Variants in MCTP1 observed in about 807,000 individuals in gnomAD.
MCTP1 encodes multiple C2 and transmembrane domain containing 1.
Under a neutral mutation model 120.6 loss-of-function variants are expected in MCTP1, and 69 were observed. The observed-to-expected ratio is 0.57, with a 90% CI of 0.47 to 0.70. The LOEUF (loss-of-function observed/expected upper bound fraction) is 0.70, where lower values mean the gene tolerates loss of function less well. Among genes scored for constraint, MCTP1 ranks in the 30% least tolerant of loss-of-function variants. The probability of loss-of-function intolerance (pLI) is 0.00; values close to 1 mark genes in which losing one functional copy is unlikely to be tolerated. For synonymous variants in MCTP1, 529 were observed against 493.1 expected (o/e 1.07, Z -0.96); for missense variants, 1,203 against 1,248.8 (o/e 0.96, Z 0.55).
At chr5:95,113,891 T>C (rs1757630329) in intron 1 of MCTP1, among the ~76,000 whole-genome samples, 1 of 152,120 alleles carries the variant, frequency 6.6e-6, no homozygotes, top group Non-Finnish European at 1.5e-5. Context: ...CTCCTTCTTC[T>C]TGAGTAGAGA....
intron 18 of MCTP1, among the ~76,000 whole-genome samples, chr5:94,796,447 T>C (rs1780020415): frequency 6.6e-6 from 1 of 151,538 alleles, no homozygotes; most frequent in African/African-American, 2.4e-5. Context: ...GGGATATCAA[T>C]ATGGACTTAC....
At chr5:94,769,421 A>G (rs1393209402) in intron 19 of MCTP1, among the ~76,000 whole-genome samples, 2 of 152,182 alleles carry the variant, frequency 1.3e-5, no homozygotes, top group Non-Finnish European at 2.9e-5. Flanking sequence ...ATATATCTCA[A>G]TTACCCTGAT....
At chr5:95,100,556 T>C (rs549764321) in intron 1 of MCTP1, among the ~76,000 whole-genome samples, 5 of 152,354 alleles carry the variant, frequency 3.3e-5, no homozygotes, top group Middle Eastern at 3.4e-3. Flanking sequence ...GTAAGTCATC[T>C]ATATGATAAG....
chr5:94,824,985 C>T (rs925812595), intron 17 of MCTP1, among the ~76,000 whole-genome samples: 3 of 152,124 alleles, frequency 2.0e-5, no homozygotes, highest in African/African-American at 4.8e-5. Context: ...TTTCAAAAAA[C>T]CAGCCCCTGG....
At chr5:94,871,282 C>T in intron 14 of MCTP1, 33 bp downstream of exon 14, 1 of 1,249,574 alleles carries the variant, frequency 8.0e-7, no homozygotes, top group Non-Finnish European at 1.2e-6. Context: ...GCAAAAGCAA[C>T]ACAGAACAGT....
intron 17 of MCTP1, among the ~76,000 whole-genome samples, chr5:94,865,430 C>T (rs1334403703): frequency 1.3e-5 from 2 of 151,656 alleles, no homozygotes; most frequent in African/African-American, 4.8e-5. Flanking sequence ...ATAGAAATGC[C>T]TGTGCTCTGT....
chr5:94,911,075 G>A (rs1247498934), intron 9 of MCTP1, among the ~76,000 whole-genome samples: 1 of 152,158 alleles, frequency 6.6e-6, no homozygotes, highest in Non-Finnish European at 1.5e-5. Context: ...AATACTCACT[G>A]CCTGCTAATG....
intron 1 of MCTP1, among the ~76,000 whole-genome samples, chr5:95,089,786 A>T (rs1184912781): frequency 6.6e-6 from 1 of 152,236 alleles, no homozygotes; most frequent in Non-Finnish European, 1.5e-5. Flanking sequence ...ATGTTGCAGA[A>T]CTAGCTCACA....
chr5:95,145,295 G>A (rs1760290369), intron 1 of MCTP1, among the ~76,000 whole-genome samples: 1 of 152,102 alleles, frequency 6.6e-6, no homozygotes, highest in South Asian at 2.1e-4. Context: ...GAACATTTTG[G>A]TGCAGTCTTT....
intron 11 of MCTP1, among the ~76,000 whole-genome samples, chr5:94,891,640 G>T (rs1042231551): frequency 2.6e-5 from 4 of 151,872 alleles, no homozygotes; most frequent in Admixed American, 6.6e-5. Context: ...ATTTGGAGTG[G>T]TAATTATTGT....
intron 16 of MCTP1, 94 bp from the exon 17 acceptor site, chr5:94,868,546 G>T: frequency 1.2e-6 from 1 of 865,682 alleles, no homozygotes; most frequent in Non-Finnish European, 1.6e-6. Flanking sequence ...ACTTAAAAAG[G>T]ATTCAGAAAG....
chr5:95,147,254 T>A (rs778929342), intron 1 of MCTP1, among the ~76,000 whole-genome samples: 24 of 151,840 alleles, frequency 1.6e-4, no homozygotes, highest in Non-Finnish European at 3.4e-4. Flanking sequence ...CCTGGCTAAT[T>A]TTTTTGTATT....
At chr5:95,279,345 T>C (rs1178603274) in intron 1 of MCTP1, among the ~76,000 whole-genome samples, 4 of 152,340 alleles carry the variant, frequency 2.6e-5, no homozygotes, top group African/African-American at 7.2e-5. Context: ...TTCATGATAA[T>C]GCATACATAC....
At chr5:94,908,601 G>T (rs1450457773) in intron 10 of MCTP1, among the ~76,000 whole-genome samples, 2 of 151,812 alleles carry the variant, frequency 1.3e-5, no homozygotes, top group African/African-American at 4.8e-5. Flanking sequence ...AATGTGTTTT[G>T]CTACAAAGAC....
chr5:95,078,479 T>C (rs1253013983), intron 1 of MCTP1, among the ~76,000 whole-genome samples: 1 of 152,158 alleles, frequency 6.6e-6, no homozygotes, highest in African/African-American at 2.4e-5. Flanking sequence ...TCCAGACATA[T>C]TTTGCGTTAA....
chr5:95,017,290 AG>A lies in MCTP1; in HGVS notation c.838+76del. ...TATTCTAGTTAATTTTTTATAACTC[AG>A]GCAATCACGTGGAAAACAAAGTTTG... On this transcript the variant is annotated intron_variant, in intron 2 of 22. Transcript: ENST00000515393. 4.0e-6 allele frequency: 3 copies of A among 743,828 alleles called. No homozygotes were observed. In the South Asian group the frequency reaches 6.8e-5, roughly 17 times the overall value. The allele number at this position is 743,828 out of a possible 1,614,324, so 46.1% of individuals were successfully genotyped here. A position where few individuals can be genotyped will look rare whatever the true frequency, so the allele number is the denominator to read the frequency against.
At chr5:94,844,256 C>A (rs1391373283) in intron 17 of MCTP1, among the ~76,000 whole-genome samples, 1 of 139,560 alleles carries the variant, frequency 7.2e-6, no homozygotes, top group Admixed American at 7.7e-5. Flanking sequence ...GAGCCGAGAT[C>A]GCGCCATTGC....
chr5:94,907,265 T>G (rs1807155678), intron 10 of MCTP1, among the ~76,000 whole-genome samples: 1 of 152,202 alleles, frequency 6.6e-6, no homozygotes, highest in African/African-American at 2.4e-5. Context: ...GTTATTTCCC[T>G]TTTCTGCAAA....
At chr5:95,002,638 C>T (rs753929323) in intron 2 of MCTP1, among the ~76,000 whole-genome samples, 22 of 152,146 alleles carry the variant, frequency 1.4e-4, no homozygotes, top group South Asian at 4.1e-4. Flanking sequence ...CCATTTGGAA[C>T]GGGAGTATTT....
Sources: allele counts gnomAD v4.1 joint callset (sites outside exome capture counted in the v4.1 genomes callset), GRCh38; gene constraint gnomAD v4.1.1; transcripts MANE v1.5; gene names NCBI Gene and HGNC (gene_info 2026-07-23, HGNC 2026-07-21).